The following RNF13 variants were observed in gnomAD, a reference collection of about 807,000 sequenced individuals.
The protein encoded by RNF13 is E3 ubiquitin-protein ligase RNF13.
In RNF13, 19 loss-of-function variants were observed where a neutral mutation model predicts 37.7. The ratio of observed to expected loss-of-function variants is 0.50; its 90% CI spans 0.35 to 0.74. The LOEUF (loss-of-function observed/expected upper bound fraction) is 0.74, where lower values mean the gene tolerates loss of function less well. Among genes scored for constraint, RNF13 ranks in the 30% least tolerant of loss-of-function variants. The probability of loss-of-function intolerance (pLI) is 0.01; values close to 1 mark genes in which losing one functional copy is unlikely to be tolerated. For synonymous variants in RNF13, 144 were observed against 157.8 expected, an observed-to-expected ratio of 0.91 and a Z score of 0.65; for missense variants, 375 against 453.0, an observed-to-expected ratio of 0.83 and a Z score of 1.56.
At chr3:149,905,413 G>GT (rs140819645) in intron 6 of RNF13, among the ~76,000 whole-genome samples, 4,232 of 152,008 alleles carry the variant, frequency 0.028, 89 homozygotes, top group South Asian at 0.055. Flanking sequence ...CTCTAGGCCA[G>GT]TTTTTTGTAT....
At chr3:149,951,188 C>T (rs937761631) in intron 8 of RNF13, among the ~76,000 whole-genome samples, 4 of 152,134 alleles carry the variant, frequency 2.6e-5, no homozygotes, top group African/African-American at 9.7e-5. Flanking sequence ...GGCTTGGCTA[C>T]CAGTACTGGT....
At chr3:149,931,354 C>T (rs1412587823) in intron 8 of RNF13, among the ~76,000 whole-genome samples, 1 of 152,152 alleles carries the variant, frequency 6.6e-6, no homozygotes, top group Non-Finnish European at 1.5e-5. Context: ...TGAGCCACCA[C>T]ACCCAGCCTG....
rs1474227396 is a variant in RNF13, at chr3:149,957,075, A to G, written c.701-2981A>G. On this transcript the variant is annotated intron_variant, in intron 8 of 9. Transcript: ENST00000392894. ...GTTATAGCCCTTTTATAATACTACC[A>G]GAGCCAGTAGGTAATGTTTAAAATC... Among the ~76,000 whole-genome samples, 3 of 152,222 alleles carry G rather than the reference A, an allele frequency of 2.0e-5. No individual in the cohort carries two copies. The East Asian group carries it at 5.8e-4, about 29-fold the overall frequency.
chr3:149,928,167 CT>C (rs1481314224), intron 8 of RNF13, among the ~76,000 whole-genome samples: 3 of 151,848 alleles, frequency 2.0e-5, no homozygotes, highest in Non-Finnish European at 4.4e-5. Context: ...ATTCCAAGAA[CT>C]TTTTTTGCAG....
chr3:149,950,227 ACG>A (rs1721183671), intron 8 of RNF13, among the ~76,000 whole-genome samples: 1 of 152,170 alleles, frequency 6.6e-6, no homozygotes, highest in Admixed American at 6.5e-5. Flanking sequence ...CAGAATATTA[ACG>A]GTGGTTGTTT....
chr3:149,895,577 CT>C lies in RNF13; in HGVS notation c.409+21del. The C allele has an allele frequency of 2.1e-6, 3 of 1,407,108 alleles. No individual in the cohort carries two copies. Among genetic ancestry groups the C allele is most frequent in the Non-Finnish European group, 3.0e-6 (3 of 1,004,946 alleles). The allele number at this position is 1,407,108 out of a possible 1,614,324, so 87.2% of individuals were successfully genotyped here. On this transcript the variant is annotated intron_variant, in intron 5 of 9. Coordinates refer to ENST00000392894, the MANE Select transcript of RNF13 (RefSeq NM_183381.3). ...CCAACGACAGTAAGTACAGGTATCA[CT>C]TTTCTTCTCTCCTGTTTGACAGATC...
chr3:149,923,681 A>C (rs959335606), intron 8 of RNF13, among the ~76,000 whole-genome samples: 6 of 149,330 alleles, frequency 4.0e-5, no homozygotes, highest in Non-Finnish European at 7.4e-5. Flanking sequence ...CAGGGGAATC[A>C]CTTGAACCCG....
At chr3:149,868,657 C>T (rs1180213561) in intron 3 of RNF13, among the ~76,000 whole-genome samples, 1 of 150,382 alleles carries the variant, frequency 6.6e-6, no homozygotes, top group Admixed American at 6.6e-5. Flanking sequence ...CTCTCTCTTT[C>T]TCTTGTTATT....
At chr3:149,852,416 G>T in intron 2 of RNF13, 100 bp from the exon 3 acceptor site, 1 of 497,062 alleles carries the variant, frequency 2.0e-6, no homozygotes, top group Non-Finnish European at 3.5e-6. Flanking sequence ...ATAGTAATCA[G>T]AATTGTCAAA....
intron 4 of RNF13, chr3:149,893,879 T>G (rs1263745976): frequency 6.6e-6 from 1 of 152,220 alleles, no homozygotes; most frequent in Non-Finnish European, 1.5e-5. Context: ...TGGTGATTTC[T>G]TGCCATTCCT....
In RNF13 at chr3:149,852,573, A is replaced by C; in HGVS notation, c.172A>C (p.Arg58=). Residue 58 remains arginine, a synonymous_variant, in exon 3 of 10, where the codon AGA becomes CGA. Coordinates refer to ENST00000392894, the MANE Select transcript of RNF13 (RefSeq NM_183381.3). ...FDDLPARFGY[R]LPAEGLKGFL... ...TGACCTCCCTGCAAGATTTGGTTAT[A>C]GACTTCCAGCTGAAGGTTTAAAGGT... 2.6e-6 allele frequency: 4 copies of C among 1,562,306 alleles called. No homozygotes were observed. Among genetic ancestry groups the C allele is most frequent in the Non-Finnish European group, 3.5e-6 (4 of 1,147,100 alleles).
rs144795975 is a variant in RNF13, at chr3:149,904,467, G to C, written c.500+2305G>C. ...ATGGTCTCAACTCACTGCAACCTCT[G>C]CCTCCTGATCTCAAGCAATCCTCCT... On this transcript the variant is annotated intron_variant, in intron 6 of 9. Transcript: ENST00000392894. Among the ~76,000 whole-genome samples, 73 of 152,176 alleles carry C rather than the reference G, an allele frequency of 4.8e-4. No homozygotes were observed. In the East Asian group the frequency reaches 0.01, roughly 21 times the overall value.
At chr3:149,939,226 G>C (rs1394860685) in intron 8 of RNF13, 21 of 510,826 alleles carry the variant, frequency 4.1e-5, no homozygotes, top group Non-Finnish European at 5.3e-5. Flanking sequence ...TTTTTGGCTG[G>C]AGTATCTCGT....
intron 3 of RNF13, among the ~76,000 whole-genome samples, chr3:149,865,730 A>C (rs2108427731): frequency 6.6e-6 from 1 of 152,222 alleles, no homozygotes; most frequent in African/African-American, 2.4e-5. Context: ...TTTGGGTTGC[A>C]TTTGGTGTTG....
chr3:149,823,035 A>G (rs1348649903), intron 1 of RNF13, among the ~76,000 whole-genome samples: 4 of 152,156 alleles, frequency 2.6e-5, no homozygotes, highest in Non-Finnish European at 4.4e-5. Flanking sequence ...AAATTTATGC[A>G]ATACTTGGAT....
intron 8 of RNF13, among the ~76,000 whole-genome samples, chr3:149,928,669 TAAC>T (rs1419486451): frequency 2.6e-5 from 4 of 152,186 alleles, no homozygotes; most frequent in African/African-American, 9.6e-5. Flanking sequence ...AATTCCATAA[TAAC>T]TTGAGAATAA....
chr3:149,857,672 A>G lies in RNF13; in HGVS notation c.195+5076A>G, dbSNP rs567767631. ...ATAAATAATGTTACTTAGCAGTATA[A>G]ATATACTTTCCTACGTCCTCAAAAA... On this transcript the variant is annotated intron_variant, in intron 3 of 9. Transcript: ENST00000392894. 3.0e-4 allele frequency among the ~76,000 whole-genome samples: 46 copies of G among 152,332 alleles called. 1 individual carries two copies. In the Middle Eastern group the frequency reaches 0.01, roughly 34 times the overall value.
At chr3:149,855,421 G>A (rs1228186062) in intron 3 of RNF13, among the ~76,000 whole-genome samples, 3 of 151,444 alleles carry the variant, frequency 2.0e-5, no homozygotes, top group Admixed American at 1.3e-4. Flanking sequence ...GTATGTTCCT[G>A]TTAAGCACTG....
rs544175326 is a variant in RNF13, at chr3:149,828,796, A to G, written c.-17+15443A>G. Among the ~76,000 whole-genome samples the G allele has an allele frequency of 3.3e-5, 5 of 152,258 alleles. No homozygotes were observed. The South Asian group carries it at 6.2e-4, about 19-fold the overall frequency. The stretch of plus-strand genomic sequence containing the variant: ...TTTGGTTCAAAACAGTGCTTTCCAA[A>G]TTTGACTTAATTATATGGATTCAAT... On this transcript the variant is annotated intron_variant, in intron 1 of 9. Coordinates refer to ENST00000392894, the MANE Select transcript of RNF13 (RefSeq NM_183381.3).
Sources: allele counts gnomAD v4.1 joint callset (sites outside exome capture counted in the v4.1 genomes callset), GRCh38; gene constraint gnomAD v4.1.1; transcripts MANE v1.5; gene names NCBI Gene and HGNC (gene_info 2026-07-23, HGNC 2026-07-21).